Variants in PLB1 observed in about 807,000 individuals in gnomAD.
The protein encoded by PLB1 is phospholipase B1, also known as phospholipase B1, membrane-associated.
PLB1 carries 242 observed loss-of-function variants against 227.4 expected under a neutral mutation model. The observed-to-expected ratio is 1.06, with a 90% CI of 0.96 to 1.18. The LOEUF (loss-of-function observed/expected upper bound fraction) is 1.18, where lower values mean the gene tolerates loss of function less well. Among genes scored for constraint, PLB1 ranks in the 50% most tolerant of loss-of-function variants. The pLI is 0.00. For synonymous variants in PLB1, 757 were observed against 682.2 expected, an observed-to-expected ratio of 1.11 and a Z score of -1.71; for missense variants, 1,858 against 1,816.3, an observed-to-expected ratio of 1.02 and a Z score of -0.42.
intron 14 of PLB1, among the ~76,000 whole-genome samples, chr2:28,546,499 G>T (rs1673287564): frequency 6.6e-6 from 1 of 152,200 alleles, no homozygotes; most frequent in Non-Finnish European, 1.5e-5. Context: ...GGGGAGATGT[G>T]CAGAGTGGGG....
chr2:28,513,786 CCTGTT>C (rs1668536632), intron 1 of PLB1, among the ~76,000 whole-genome samples: 1 of 152,222 alleles, frequency 6.6e-6, no homozygotes. Flanking sequence ...TGGGGCTCCA[CCTGTT>C]GTCTTCAGAA....
intron 3 of PLB1, among the ~76,000 whole-genome samples, chr2:28,518,861 G>A (rs1460463216): frequency 6.6e-6 from 1 of 152,122 alleles, no homozygotes; most frequent in African/African-American, 2.4e-5. Flanking sequence ...CCCCACAATG[G>A]GCTGGGTTTG....
chr2:28,536,106 C>G (rs1420935816), intron 9 of PLB1, among the ~76,000 whole-genome samples: 3 of 152,210 alleles, frequency 2.0e-5, no homozygotes, highest in Non-Finnish European at 4.4e-5. Context: ...TGTTGAGCTA[C>G]TGTCCTGCCC....
chr2:28,621,098 A>C, intron 49 of PLB1, 120 bp downstream of exon 49: 1 of 760,090 alleles, frequency 1.3e-6, no homozygotes, highest in Admixed American at 2.7e-5. Context: ...GCAGCTGTGC[A>C]GGACTTTCTA....
At chr2:28,618,291 A>T (rs1686474996) in intron 45 of PLB1, 50 bp from the exon 46 acceptor site, 2 of 1,495,074 alleles carry the variant, frequency 1.3e-6, no homozygotes, top group Admixed American at 1.7e-5. Flanking sequence ...GTACTTTAAG[A>T]GGTAGATACC....
chr2:28,571,374 C>G (rs1337318117), intron 20 of PLB1, among the ~76,000 whole-genome samples: 2 of 152,128 alleles, frequency 1.3e-5, no homozygotes, highest in Non-Finnish European at 2.9e-5. Flanking sequence ...TCATAATACT[C>G]CCCACATCAA....
At chr2:28,501,630 G>C (rs1462625252) in intron 1 of PLB1, among the ~76,000 whole-genome samples, 1 of 152,006 alleles carries the variant, frequency 6.6e-6, no homozygotes, top group Non-Finnish European at 1.5e-5. Context: ...TCCCATTTCT[G>C]TCATTCCTGT....
chr2:28,621,548 A>AACAACTCAGATAATTAAAGCTGAC (rs1687057574), intron 49 of PLB1, among the ~76,000 whole-genome samples: 1 of 152,222 alleles, frequency 6.6e-6, no homozygotes, highest in Admixed American at 6.5e-5. Flanking sequence ...TGTTGTTGAC[A>AACAACTCAGATAATTAAAGCTGAC]ACAACTCAGA....
intron 26 of PLB1, among the ~76,000 whole-genome samples, chr2:28,588,521 A>G (rs772398165): frequency 2.0e-5 from 3 of 152,098 alleles, no homozygotes; most frequent in Non-Finnish European, 1.5e-5. Flanking sequence ...AAGTGACCCC[A>G]TTCACATTCC....
At chr2:28,498,618 G>A (rs1666749527) in intron 1 of PLB1, among the ~76,000 whole-genome samples, 1 of 152,024 alleles carries the variant, frequency 6.6e-6, no homozygotes, top group Non-Finnish European at 1.5e-5. Context: ...TGAAAAATCG[G>A]TTGTTTCCCT....
Position 28,591,719 on chromosome 2 carries a change from C to T in PLB1, c.2147C>T (p.Pro716Leu), listed in dbSNP as rs1558855742. 2 of 1,613,992 alleles carry T rather than the reference C, an allele frequency of 1.2e-6. No individual in the cohort carries two copies. The highest frequency in any genetic ancestry group is 1.1e-5 in the South Asian group (1 of 91,076). Residue 716 changes from proline to leucine, a missense_variant, in exon 31 of 58, where the codon CCA (proline) becomes CTA (leucine). Transcript: ENST00000327757. ...CCTTAGGGTCATGGGACCTGGCTGC[C>T]ATGCAGGGACAGAGCCCCTTCTGCC... The part of the protein sequence containing the change: ...NSMQGHGTWL[P>L]CRDRAPSALH...
At chr2:28,525,739 C>T (rs945479071) in intron 5 of PLB1, among the ~76,000 whole-genome samples, 166 bp from the exon 6 acceptor site, 2 of 152,100 alleles carry the variant, frequency 1.3e-5, no homozygotes, top group African/African-American at 4.8e-5. Context: ...ATTTTGGCTA[C>T]TCCATGGCCA....
At chr2:28,523,449 G>C (rs1288823816) in intron 4 of PLB1, among the ~76,000 whole-genome samples, 1 of 147,820 alleles carries the variant, frequency 6.8e-6, no homozygotes, top group Non-Finnish European at 1.5e-5. Flanking sequence ...GTCTTACTTA[G>C]CTTTGCAGCC....
At chr2:28,557,821 T>C (rs957783966) in intron 17 of PLB1, among the ~76,000 whole-genome samples, 2 of 152,320 alleles carry the variant, frequency 1.3e-5, no homozygotes, top group East Asian at 3.9e-4. Flanking sequence ...CTTTACTGTA[T>C]TTCTAAGCTG....
At chr2:28,621,060 G>A in intron 49 of PLB1, 82 bp downstream of exon 49, 1 of 1,218,512 alleles carries the variant, frequency 8.2e-7, no homozygotes, top group Non-Finnish European at 1.2e-6. Context: ...GGAGGGTGGT[G>A]TCCAGAAGCC....
In PLB1 at chr2:28,576,495, C is replaced by T. The variant is rs148329573; in HGVS notation, c.1434-1612C>T. Among the ~76,000 whole-genome samples, 912 of 152,196 alleles carry T rather than the reference C, an allele frequency of 6.0e-3. 2 individuals are homozygous for T. Among genetic ancestry groups the T allele is most frequent in the Non-Finnish European group, 9.7e-3 (657 of 68,014 alleles). On this transcript the variant is annotated intron_variant, in intron 21 of 57. Transcript: ENST00000327757. ...CTGTAATCCCAGCACTTTGGGAGGC[C>T]GAGGTGGGTGGATTACTTGAGGTCA...
At chr2:28,511,510 T>C (rs527279130) in intron 1 of PLB1, among the ~76,000 whole-genome samples, 1 of 152,354 alleles carries the variant, frequency 6.6e-6, no homozygotes, top group East Asian at 1.9e-4. Context: ...ACTGGGATCA[T>C]TTTCCTTTTC....
intron 49 of PLB1, among the ~76,000 whole-genome samples, chr2:28,622,211 A>T (rs534573673): frequency 2.6e-5 from 4 of 152,262 alleles, no homozygotes; most frequent in Non-Finnish European, 5.9e-5. Context: ...AAAGAGAAAC[A>T]TACAAACCAT....
Position 28,582,431 on chromosome 2 carries a change from G to T in PLB1, c.1659G>T (p.Val553=), listed in dbSNP as rs758792357. 9.9e-6 allele frequency: 16 copies of T among 1,613,246 alleles called. No individual in the cohort carries two copies. The African/African-American group carries it at 2.0e-4, about 20-fold the overall frequency. The change falls in exon 25 of 58, where the codon GTG becomes GTT. Residue 553 remains valine, a synonymous_variant. Transcript: ENST00000327757. ...TTCCTCGGGCATTTGTGAACCTGGTGACGGTGCTTGAGATCGTCAACCTGA... is the reference window on the plus strand; with the variant it reads ...TTCCTCGGGCATTTGTGAACCTGGTTACGGTGCTTGAGATCGTCAACCTGA... ...AEVPRAFVNL[V]TVLEIVNLRE... is the part of the protein sequence containing the mutation.
Sources: gnomAD v4.1 joint callset for allele counts (sites outside exome capture counted in the v4.1 genomes callset) on GRCh38, gnomAD v4.1.1 for gene constraint, MANE v1.5 for transcripts, NCBI Gene and HGNC (gene_info 2026-07-23, HGNC 2026-07-21) for gene names.